The following CBLC variants were observed in gnomAD, a reference collection of about 807,000 sequenced individuals.
CBLC encodes Cbl proto-oncogene C, also known as E3 ubiquitin-protein ligase CBL-C.
In CBLC, 46 loss-of-function variants were observed where a neutral mutation model predicts 58.6. That is an observed-to-expected ratio of 0.79 (90% CI 0.62 to 1.00). The LOEUF is 1.00. Among genes scored for constraint, CBLC ranks in the 50% least tolerant of loss-of-function variants. The pLI is 0.00. For missense variants in CBLC, 655 were observed against 625.8 expected (o/e 1.05, Z -0.50); for synonymous variants, 271 against 264.2 (o/e 1.03, Z -0.25).
intron 5 of CBLC, among the ~76,000 whole-genome samples, chr19:44,786,981 G>A (rs1967925028): frequency 6.6e-6 from 1 of 152,186 alleles, no homozygotes; most frequent in South Asian, 2.1e-4. Context: ...CAGCTACTCA[G>A]GAGGCTGAGA....
intron 5 of CBLC, among the ~76,000 whole-genome samples, chr19:44,788,293 T>A (rs1967962538): frequency 1.3e-5 from 2 of 151,174 alleles, no homozygotes; most frequent in African/African-American, 4.9e-5. Flanking sequence ...CTAATTTTTT[T>A]AATTTTTTTT....
intron 5 of CBLC, among the ~76,000 whole-genome samples, chr19:44,787,852 G>A (rs1967950655): frequency 6.6e-6 from 1 of 151,526 alleles, no homozygotes; most frequent in African/African-American, 2.4e-5. Context: ...CGCCAAGCAT[G>A]GTGGCTCATG....
At chr19:44,777,884 G>A (rs1255797686), upstream of CBLC, 13 of 1,444,744 alleles carry the variant, frequency 9.0e-6, 1 homozygote, top group South Asian at 5.7e-5. Flanking sequence ...GGGCGAGGCC[G>A]CCCCTATCCC....
intron 5 of CBLC, among the ~76,000 whole-genome samples, chr19:44,787,320 G>T (rs948485711): frequency 7.2e-5 from 11 of 152,066 alleles, no homozygotes; most frequent in African/African-American, 2.4e-4. Context: ...CGTGAACTCG[G>T]GAGGTGGAGC....
At chr19:44,786,185 T>C (rs1250400473) in intron 5 of CBLC, among the ~76,000 whole-genome samples, 1 of 151,926 alleles carries the variant, frequency 6.6e-6, no homozygotes, top group Admixed American at 6.6e-5. Context: ...AATACATTCT[T>C]GGGTCCTGAG....
chr19:44,788,273 C>T (rs888516659), intron 5 of CBLC, among the ~76,000 whole-genome samples: 1 of 151,754 alleles, frequency 6.6e-6, no homozygotes, highest in African/African-American at 2.4e-5. Context: ...GCACATGCCA[C>T]CATGCCCAGC....
At chr19:44,784,503 CA>C in intron 5 of CBLC, 102 bp downstream of exon 5, 3 of 1,191,686 alleles carry the variant, frequency 2.5e-6, no homozygotes, top group Non-Finnish European at 3.5e-6. Flanking sequence ...AGGGTGCAAC[CA>C]TTCACATAGG....
In CBLC at chr19:44,784,413, T is replaced by C. The variant is rs1967832050; in HGVS notation, c.917+12T>C. On this transcript the variant is annotated intron_variant, in intron 5 of 10. Coordinates refer to ENST00000647358, the MANE Select transcript of CBLC (RefSeq NM_012116.4). ...CAGAAGGACGGCTTGTGAGTCTCCA[T>C]TCTGGTAGGAGGAGGGTGTCAGCAA... is the stretch of plus-strand genomic sequence containing the variant. 6.4e-6 allele frequency: 10 copies of C among 1,565,916 alleles called. No homozygotes were observed. Among genetic ancestry groups the C allele is most frequent in the Non-Finnish European group, 8.7e-6 (10 of 1,144,026 alleles).
chr19:44,789,775 G>A (rs925417523), intron 5 of CBLC, among the ~76,000 whole-genome samples: 1 of 152,150 alleles, frequency 6.6e-6, no homozygotes, highest in Non-Finnish European at 1.5e-5. Flanking sequence ...GGTTTTGTGT[G>A]CCCTACCTTG....
chr19:44,782,775 CAG>C (rs1171585054), intron 4 of CBLC, among the ~76,000 whole-genome samples: 3 of 152,170 alleles, frequency 2.0e-5, no homozygotes, highest in African/African-American at 7.2e-5. Context: ...TCTGGTAGGT[CAG>C]AGTCATGTTG....
At chr19:44,794,457 CTT>C (rs200824891) in intron 9 of CBLC, among the ~76,000 whole-genome samples, 176 bp downstream of exon 9, 3 of 78,342 alleles carry the variant, frequency 3.8e-5, no homozygotes, top group East Asian at 2.9e-4. Flanking sequence ...CTGGGACTTT[CTT>C]TTTTTTTTTT....
intron 2 of CBLC, 30 bp from the exon 3 acceptor site, chr19:44,781,177 C>T (rs909102893): frequency 6.4e-5 from 102 of 1,592,230 alleles, no homozygotes; most frequent in Non-Finnish European, 8.3e-5. Flanking sequence ...GAGGCCTCAG[C>T]GGTGTCTCCC....
intron 7 of CBLC, among the ~76,000 whole-genome samples, chr19:44,792,828 G>A (rs1903833): frequency 0.016 from 2,446 of 152,194 alleles, 51 homozygotes; most frequent in East Asian, 0.076. Flanking sequence ...CCTGGAGAAC[G>A]GGGCTGAGAA....
At chr19:44,782,261 C>T in intron 3 of CBLC, 109 bp from the exon 4 acceptor site, 2 of 1,486,022 alleles carry the variant, frequency 1.3e-6, no homozygotes, top group Non-Finnish European at 1.8e-6. Context: ...ATGCCTGAGG[C>T]CCACCATGGG....
chr19:44,784,405 A>C lies in CBLC; in HGVS notation c.917+4A>C. ...TGGAGGGACAGAAGGACGGCTTGTGAGTCTCCATTCTGGTAGGAGGAGGGT... is the reference window on the plus strand; with the variant it reads ...TGGAGGGACAGAAGGACGGCTTGTGCGTCTCCATTCTGGTAGGAGGAGGGT... On this transcript the variant is annotated splice_donor_region_variant and intron_variant, in intron 5 of 10. Transcript: ENST00000647358. 2 of 1,573,474 alleles carry C rather than the reference A, an allele frequency of 1.3e-6. No individual in the cohort carries two copies. Among genetic ancestry groups the C allele is most frequent in the Non-Finnish European group, 1.7e-6 (2 of 1,148,838 alleles).
chr19:44,790,631 T>C (rs1968022622), intron 6 of CBLC, among the ~76,000 whole-genome samples: 1 of 151,904 alleles, frequency 6.6e-6, no homozygotes, highest in Non-Finnish European at 1.5e-5. Context: ...AGATGGGGTT[T>C]CGCCATGTTG....
rs747076535 is a variant in CBLC, at chr19:44,792,405, C to T, written c.1028C>T (p.Ala343Val). Residue 343 changes from alanine (A) to valine (V), a missense_variant, in exon 7 of 11, where the codon GCC (alanine) becomes GTC (valine). Coordinates refer to ENST00000647358, the MANE Select transcript of CBLC (RefSeq NM_012116.4). ...VSEEQLQLYWAMDSTFELCKI... is the reference protein window; with the variant it reads ...VSEEQLQLYWVMDSTFELCKI... Reference sequence around the variant, plus strand: ...CAGGAGCAGCTGCAGCTCTACTGGGCCATGGACTCCACATTTGAGCTCTGC... The same window carrying T: ...CAGGAGCAGCTGCAGCTCTACTGGGTCATGGACTCCACATTTGAGCTCTGC... The T allele has an allele frequency of 5.6e-6, 9 of 1,613,582 alleles. No homozygotes were observed. Among genetic ancestry groups the T allele is most frequent in the Non-Finnish European group, 7.6e-6 (9 of 1,179,904 alleles).
chr19:44,782,354 C>A lies in CBLC; in HGVS notation c.658-16C>A. Reference sequence around the variant, plus strand: ...TTCCCTGGTCGCTCCCTGACCCAAGCCCTGCCCCACCCCAGCCATGGCCAA... The same window carrying A: ...TTCCCTGGTCGCTCCCTGACCCAAGACCTGCCCCACCCCAGCCATGGCCAA... On this transcript the variant is annotated splice_polypyrimidine_tract_variant and intron_variant, in intron 3 of 10. Transcript: ENST00000647358. 6.2e-7 allele frequency: 1 copy of A among 1,613,440 alleles called. No homozygotes were observed. The highest frequency in any genetic ancestry group is 8.5e-7 in the Non-Finnish European group (1 of 1,179,604).
chr19:44,786,288 C>G (rs1599864085), intron 5 of CBLC, among the ~76,000 whole-genome samples: 1 of 151,680 alleles, frequency 6.6e-6, no homozygotes, highest in Non-Finnish European at 1.5e-5. Context: ...TGTATGTTTT[C>G]GTTTAAAGAC....
Sources: allele counts gnomAD v4.1 joint callset (sites outside exome capture counted in the v4.1 genomes callset), GRCh38; gene constraint gnomAD v4.1.1; transcripts MANE v1.5; gene names NCBI Gene and HGNC (gene_info 2026-07-23, HGNC 2026-07-21).